Variants in SYNPR observed in about 807,000 individuals in gnomAD.
The protein encoded by SYNPR is synaptoporin.
Under a neutral mutation model 32.9 loss-of-function variants are expected in SYNPR, and 23 were observed. The ratio of observed to expected loss-of-function variants is 0.70; its 90% CI spans 0.50 to 0.99. The LOEUF (loss-of-function observed/expected upper bound fraction) is 0.99. SYNPR is among the 50% of genes least tolerant of loss of function. The pLI, the probability that SYNPR is intolerant of heterozygous loss-of-function variation, is 0.00. For synonymous variants in SYNPR, 146 were observed against 135.9 expected, an observed-to-expected ratio of 1.07 and a Z score of -0.52; for missense variants, 318 against 349.3, an observed-to-expected ratio of 0.91 and a Z score of 0.71.
chr3:63,459,352 A>G lies in SYNPR; in HGVS notation c.85-21480A>G, dbSNP rs117965913. 8.4e-3 allele frequency among the ~76,000 whole-genome samples: 1,277 copies of G among 152,152 alleles called. 55 individuals are homozygous for G. The East Asian group carries it at 0.13, about 16-fold the overall frequency. ...GACTTTTAAACTCTGACCCACCTCC[A>G]TAACTCAGACCACATTTCCTTCTGC... On this transcript the variant is annotated intron_variant, in intron 2 of 5. Transcript: ENST00000478300.
chr3:63,343,728 C>T (rs2087399735), intron 2 of SYNPR, among the ~76,000 whole-genome samples: 1 of 152,206 alleles, frequency 6.6e-6, no homozygotes. Flanking sequence ...GATTCCCTGC[C>T]TAACTTTAAA....
intron 2 of SYNPR, among the ~76,000 whole-genome samples, chr3:63,357,644 G>A (rs1191108383): frequency 6.6e-6 from 1 of 152,138 alleles, no homozygotes; most frequent in Non-Finnish European, 1.5e-5. Flanking sequence ...GGAGGTAGGA[G>A]TTTTCTAGGT....
At chr3:63,240,390 T>C (rs1385935154) in intron 1 of SYNPR, among the ~76,000 whole-genome samples, 1 of 151,996 alleles carries the variant, frequency 6.6e-6, no homozygotes, top group Non-Finnish European at 1.5e-5. Flanking sequence ...TCTCTCACCA[T>C]CTGGAAAATG....
intron 3 of SYNPR, among the ~76,000 whole-genome samples, chr3:63,552,510 T>C (rs1038570184): frequency 6.6e-6 from 1 of 152,100 alleles, no homozygotes; most frequent in African/African-American, 2.4e-5. Context: ...TGTGGGAAAG[T>C]GCAATATATA....
chr3:63,401,041 G>GTGT (rs967678604), intron 2 of SYNPR, among the ~76,000 whole-genome samples: 16 of 140,966 alleles, frequency 1.1e-4, no homozygotes, highest in African/African-American at 4.3e-4. Flanking sequence ...CACAAAAAAG[G>GTGT]TTTTTTTTTT....
intron 2 of SYNPR, among the ~76,000 whole-genome samples, chr3:63,429,095 G>C (rs1699939691): frequency 6.6e-6 from 1 of 152,158 alleles, no homozygotes; most frequent in African/African-American, 2.4e-5. Context: ...GGCTGTGAAA[G>C]ATTTTTCTTT....
intron 3 of SYNPR, among the ~76,000 whole-genome samples, chr3:63,521,158 T>C (rs1490795564): frequency 6.6e-6 from 1 of 152,178 alleles, no homozygotes; most frequent in Non-Finnish European, 1.5e-5. Flanking sequence ...TTGAAGACAA[T>C]GCTTCTTCCA....
intron 2 of SYNPR, among the ~76,000 whole-genome samples, chr3:63,283,579 T>G (rs1438023067): frequency 6.6e-6 from 1 of 151,684 alleles, no homozygotes; most frequent in Non-Finnish European, 1.5e-5. Context: ...TTCAGACCAC[T>G]CTGGAAAACT....
chr3:63,493,027 A>G (rs1265311729), intron 3 of SYNPR, among the ~76,000 whole-genome samples: 2 of 152,110 alleles, frequency 1.3e-5, no homozygotes, highest in Non-Finnish European at 2.9e-5. Flanking sequence ...CCATGGTCCC[A>G]TTAACCACCC....
chr3:63,456,236 C>A (rs1340544438), intron 2 of SYNPR, among the ~76,000 whole-genome samples: 1 of 152,054 alleles, frequency 6.6e-6, no homozygotes, highest in African/African-American at 2.4e-5. Context: ...GGGGACACAG[C>A]CAAATCATAT....
intron 3 of SYNPR, among the ~76,000 whole-genome samples, chr3:63,531,602 T>C (rs538445710): frequency 3.3e-5 from 5 of 152,240 alleles, no homozygotes; most frequent in African/African-American, 1.2e-4. Flanking sequence ...GTATTGAGGG[T>C]CTAGACTTCA....
At chr3:63,421,797 G>GC (rs1699806078) in intron 2 of SYNPR, among the ~76,000 whole-genome samples, 1 of 152,180 alleles carries the variant, frequency 6.6e-6, no homozygotes, top group African/African-American at 2.4e-5. Context: ...GAGGACTGAG[G>GC]CCCCACACTC....
At chr3:63,577,284 T>C (rs1262707683) in intron 4 of SYNPR, among the ~76,000 whole-genome samples, 2 of 152,142 alleles carry the variant, frequency 1.3e-5, no homozygotes, top group Non-Finnish European at 2.9e-5. Flanking sequence ...ACAATTGAAT[T>C]GAGAAATGAT....
intron 2 of SYNPR, among the ~76,000 whole-genome samples, chr3:63,353,284 G>T (rs2087534179): frequency 6.6e-6 from 1 of 152,188 alleles, no homozygotes; most frequent in African/African-American, 2.4e-5. Context: ...GAGGAGTAAG[G>T]GGTTGCTATC....
At chr3:63,327,179 C>T (rs2087176545) in intron 2 of SYNPR, among the ~76,000 whole-genome samples, 1 of 151,950 alleles carries the variant, frequency 6.6e-6, no homozygotes, top group Non-Finnish European at 1.5e-5. Context: ...TAAATATATA[C>T]ATTATAAAAG....
chr3:63,316,932 C>T (rs1214841576), intron 2 of SYNPR, among the ~76,000 whole-genome samples: 2 of 151,854 alleles, frequency 1.3e-5, no homozygotes, highest in Non-Finnish European at 2.9e-5. Flanking sequence ...TAAGTTGTGT[C>T]ATTATTGTCA....
intron 2 of SYNPR, among the ~76,000 whole-genome samples, chr3:63,315,437 T>A (rs990721785): frequency 1.3e-5 from 2 of 152,094 alleles, no homozygotes; most frequent in East Asian, 1.9e-4. Flanking sequence ...GTTTTCCTTG[T>A]AGAGGACTTT....
intron 4 of SYNPR, among the ~76,000 whole-genome samples, chr3:63,581,453 T>C (rs1480143030): frequency 2.0e-5 from 3 of 152,112 alleles, no homozygotes; most frequent in Non-Finnish European, 4.4e-5. Context: ...TTCAAAAACA[T>C]GCATTTATCA....
At chr3:63,608,095 T>C (rs1337871885) in intron 4 of SYNPR, among the ~76,000 whole-genome samples, 1 of 152,172 alleles carries the variant, frequency 6.6e-6, no homozygotes, top group East Asian at 1.9e-4. Flanking sequence ...CAAACATATA[T>C]ATAGTCAATC....
Sources: allele counts gnomAD v4.1 joint callset (sites outside exome capture counted in the v4.1 genomes callset), GRCh38; gene constraint gnomAD v4.1.1; transcripts MANE v1.5; gene names NCBI Gene and HGNC (gene_info 2026-07-23, HGNC 2026-07-21).